The following TMOD1 variants were observed in gnomAD, a reference collection of about 807,000 sequenced individuals.
TMOD1 encodes tropomodulin-1.
Under a neutral mutation model 40.6 loss-of-function variants are expected in TMOD1, and 17 were observed. That is an observed-to-expected ratio of 0.42 (90% CI 0.29 to 0.63). The LOEUF is 0.63. Among genes scored for constraint, TMOD1 ranks in the 20% least tolerant of loss-of-function variants. The pLI is 0.22. For synonymous variants in TMOD1, 181 were observed against 175.0 expected (o/e 1.03, Z -0.27); for missense variants, 391 against 447.6 (o/e 0.87, Z 1.14).
chr9:97,521,577 C>A (rs975758369), intron 1 of TMOD1, among the ~76,000 whole-genome samples: 1 of 152,094 alleles, frequency 6.6e-6, no homozygotes, highest in Non-Finnish European at 1.5e-5. Flanking sequence ...GTTTTTTCGT[C>A]GATACCAGAG....
intron 8 of TMOD1, among the ~76,000 whole-genome samples, chr9:97,570,986 C>G (rs113381118): frequency 6.6e-6 from 1 of 152,302 alleles, no homozygotes; most frequent in African/African-American, 2.4e-5. Flanking sequence ...GCTGCTGCCT[C>G]GCTCATTCTC....
At chr9:97,592,647 C>T (rs948683331) in intron 9 of TMOD1, among the ~76,000 whole-genome samples, 9 of 152,148 alleles carry the variant, frequency 5.9e-5, no homozygotes, top group Non-Finnish European at 5.9e-5. Context: ...ACCTGGAAGC[C>T]CTCGAAGAAC....
intron 1 of TMOD1, among the ~76,000 whole-genome samples, chr9:97,520,031 A>G (rs953417): frequency 0.68 from 103,294 of 151,824 alleles, 35,175 homozygotes; most frequent in Middle Eastern, 0.72. Context: ...TTTGAGCCAC[A>G]GAATCCTTTC....
At chr9:97,587,034 C>A (rs946382124) in intron 8 of TMOD1, among the ~76,000 whole-genome samples, 5 of 152,184 alleles carry the variant, frequency 3.3e-5, no homozygotes, top group Admixed American at 2.6e-4. Context: ...TCCTCCCCAC[C>A]ACTTGGCATA....
At chr9:97,565,820 ACT>A (rs1439095780) in intron 6 of TMOD1, 26 bp from the exon 7 acceptor site, 1 of 1,574,104 alleles carries the variant, frequency 6.4e-7, no homozygotes, top group Non-Finnish European at 8.7e-7. Context: ...GCTTCTGGTC[ACT>A]CTCTCTGTTG....
intron 2 of TMOD1, among the ~76,000 whole-genome samples, chr9:97,529,164 G>A (rs566271017): frequency 1.3e-5 from 2 of 152,346 alleles, no homozygotes; most frequent in African/African-American, 4.8e-5. Flanking sequence ...TGGTTTTGTG[G>A]TTGGGGGTCG....
intron 9 of TMOD1, among the ~76,000 whole-genome samples, 168 bp from the exon 10 acceptor site, chr9:97,599,466 C>T (rs887216242): frequency 6.6e-6 from 1 of 152,222 alleles, no homozygotes; most frequent in African/African-American, 2.4e-5. Context: ...CACTGACAGA[C>T]TGGAGGGCTG....
intron 7 of TMOD1, among the ~76,000 whole-genome samples, chr9:97,567,751 C>T (rs1830753629): frequency 6.6e-6 from 1 of 152,092 alleles, no homozygotes; most frequent in African/African-American, 2.4e-5. Flanking sequence ...ACATGCCATC[C>T]CGGGGGCACA....
chr9:97,534,153 C>T (rs951570483), intron 2 of TMOD1, among the ~76,000 whole-genome samples: 1 of 152,196 alleles, frequency 6.6e-6, no homozygotes, highest in Non-Finnish European at 1.5e-5. Context: ...ATGACTCAAC[C>T]TAGCTGCAAG....
At chr9:97,566,024 C>T (rs900224222) in intron 7 of TMOD1, 69 bp downstream of exon 7, 3 of 1,377,976 alleles carry the variant, frequency 2.2e-6, no homozygotes, top group African/African-American at 1.4e-5. Context: ...AATATGTGGC[C>T]TCAGGACTGG....
chr9:97,558,216 T>G lies in TMOD1; in HGVS notation c.398-4516T>G, dbSNP rs149042199. Among the ~76,000 whole-genome samples, 444 of 152,342 alleles carry G rather than the reference T, an allele frequency of 2.9e-3. 2 individuals carry two copies. The highest frequency in any genetic ancestry group is 0.01 in the African/African-American group (425 of 41,576). On this transcript the variant is annotated intron_variant, in intron 4 of 9. Transcript: ENST00000259365. ...TTTCTTCTTAGCCCTGCTGTTAACA[T>G]ATGTAACCTCCTAGAATAAATATAT...
intron 9 of TMOD1, among the ~76,000 whole-genome samples, chr9:97,591,817 A>T (rs1458931615): frequency 6.6e-6 from 1 of 152,198 alleles, no homozygotes; most frequent in East Asian, 1.9e-4. Flanking sequence ...GTCTAGATTT[A>T]GCCCCAAATC....
At chr9:97,563,208 C>A (rs1381143104) in intron 5 of TMOD1, among the ~76,000 whole-genome samples, 1 of 152,166 alleles carries the variant, frequency 6.6e-6, no homozygotes, top group Non-Finnish European at 1.5e-5. Context: ...TGTATGCCAG[C>A]ATGCCTGGCT....
chr9:97,555,491 A>C, intron 4 of TMOD1: 2 of 1,440,312 alleles, frequency 1.4e-6, no homozygotes, highest in Non-Finnish European at 1.8e-6. Flanking sequence ...TCTTGAAACT[A>C]CTTCTCTTTA....
chr9:97,515,341 A>G (rs1429802753), intron 1 of TMOD1, among the ~76,000 whole-genome samples: 3 of 152,260 alleles, frequency 2.0e-5, no homozygotes, highest in East Asian at 1.9e-4. Context: ...GTGCAATGGC[A>G]TGATCTTGGC....
intron 2 of TMOD1, among the ~76,000 whole-genome samples, chr9:97,530,786 G>GC (rs1830085835): frequency 1.3e-5 from 1 of 76,540 alleles, no homozygotes; most frequent in African/African-American, 6.0e-5. Flanking sequence ...ACCGGGCCCG[G>GC]CTTTTTTTTT....
rs777323598 is a variant in TMOD1 at position 97,524,219 on chromosome 9, C to T, written c.31C>T (p.Arg11Cys). 20 of 1,613,918 alleles carry T rather than the reference C, an allele frequency of 1.2e-5. No individual in the cohort carries two copies. Among genetic ancestry groups the T allele is most frequent in the South Asian group, 6.6e-5 (6 of 91,080 alleles). ...GTACAGACGAGAACTAGAGAAATAC[C>T]GTGACCTGGATGAAGATGAAATCCT... MSYRRELEKYRDLDEDEILGA... is the reference protein window; with the variant it reads MSYRRELEKYCDLDEDEILGA... The change falls in exon 2 of 10, where the codon CGT (arginine) becomes TGT (cysteine). Residue 11 changes from arginine to cysteine, a missense_variant. Coordinates refer to ENST00000259365, the MANE Select transcript of TMOD1 (RefSeq NM_003275.4).
Position 97,560,682 on chromosome 9 carries a change from T to TAC in TMOD1, c.398-2049_398-2048insCA, listed in dbSNP as rs1422042381. Among the ~76,000 whole-genome samples, 3 of 147,868 alleles carry TAC rather than the reference T, an allele frequency of 2.0e-5. No homozygotes were observed. In the Admixed American group the frequency reaches 2.0e-4, roughly 10 times the overall value. On this transcript the variant is annotated intron_variant, in intron 4 of 9. Coordinates refer to ENST00000259365, the MANE Select transcript of TMOD1 (RefSeq NM_003275.4). ...ATTTTTTGTATTGTATATATATATA[T>TAC]ATAAAGTATTTATATATTGTATATA...
chr9:97,551,034 T>A (rs868713926), intron 3 of TMOD1, among the ~76,000 whole-genome samples: 19,268 of 96,444 alleles, frequency 0.2, 1,744 homozygotes, highest in East Asian at 0.34. Context: ...TTTTTTTTTT[T>A]TTTTTTTTAG....
Sources: gnomAD v4.1 joint callset for allele counts (sites outside exome capture counted in the v4.1 genomes callset) on GRCh38, gnomAD v4.1.1 for gene constraint, MANE v1.5 for transcripts, NCBI Gene and HGNC (gene_info 2026-07-23, HGNC 2026-07-21) for gene names.